Variants in RIF1 observed in about 807,000 individuals in gnomAD.
The protein encoded by RIF1 is telomere-associated protein RIF1.
RIF1 carries 45 observed loss-of-function variants against 247.1 expected under a neutral mutation model. That is an observed-to-expected ratio of 0.18 (90% CI 0.14 to 0.23). The LOEUF is 0.23. RIF1 is among the 10% of genes least tolerant of loss of function. RIF1 has a pLI of 1.00. For missense variants in RIF1, 2,967 were observed against 2,862.5 expected, an observed-to-expected ratio of 1.04 and a Z score of -0.83; for synonymous variants, 1,087 against 978.8, an observed-to-expected ratio of 1.11 and a Z score of -2.06.
chr2:151,468,303 C>G (rs929404671), intron 31 of RIF1, among the ~76,000 whole-genome samples, 157 bp downstream of exon 31: 3 of 152,078 alleles, frequency 2.0e-5, no homozygotes, highest in Admixed American at 2.0e-4. Context: ...GGAAGAGAAG[C>G]AGAAAGGTAA....
At chr2:151,460,241 T>C (rs1418841276) in intron 26 of RIF1, 122 bp downstream of exon 26, 1 of 737,152 alleles carries the variant, frequency 1.4e-6, no homozygotes, top group African/African-American at 1.9e-5. Context: ...TGCAGGGGAA[T>C]TGAGGGCATT....
At chr2:151,433,871 C>T (rs186291532) in intron 10 of RIF1, among the ~76,000 whole-genome samples, 1 of 152,118 alleles carries the variant, frequency 6.6e-6, no homozygotes, top group East Asian at 1.9e-4. Context: ...AGAAAACCAG[C>T]ATCAGTGAAA....
In RIF1 at chr2:151,465,781, A is replaced by G; in HGVS notation, c.6261A>G (p.Thr2087=). The G allele has an allele frequency of 1.9e-6, 3 of 1,613,260 alleles. No individual in the cohort carries two copies. The highest frequency in any genetic ancestry group is 2.5e-6 in the Non-Finnish European group (3 of 1,179,228). Residue 2087 remains threonine, a synonymous_variant, in exon 30 of 36, where the codon ACA becomes ACG. Coordinates refer to ENST00000444746, the MANE Select transcript of RIF1 (RefSeq NM_018151.5). The part of the protein sequence containing the change: ...EGIIDANKTE[T]NTEYSKSEEK... ...TCATTGACGCTAATAAAACTGAAAC[A>G]AATACTGAGTATAGTAAATCTGAAG...
Position 151,467,909 on chromosome 2 carries a change from C to G in RIF1, c.6601-91C>G, listed in dbSNP as rs1697203245. On this transcript the variant is annotated intron_variant, in intron 30 of 35. Coordinates refer to ENST00000444746, the MANE Select transcript of RIF1 (RefSeq NM_018151.5). ...GAAATAAATTTTCTAAACCCACATT[C>G]TATTTTTGGGTAACCTCATAATGAA... 5.5e-6 allele frequency: 7 copies of G among 1,272,664 alleles called. No homozygotes were observed. In the South Asian group the frequency reaches 7.5e-5, roughly 14 times the overall value. The allele number at this position is 1,272,664 out of a possible 1,614,324, so 78.8% of individuals were successfully genotyped here. A position where few individuals can be genotyped will look rare whatever the true frequency, so the allele number is the denominator to read the frequency against.
At chr2:151,493,110 CTTG>C (rs1193479668) in intron 9 of RIF1, 1 of 425,546 alleles carries the variant, frequency 2.3e-6, no homozygotes, top group Non-Finnish European at 4.2e-6. Context: ...TGGCAATTAA[CTTG>C]TTATGTTTAG....
At chr2:151,507,529 A>C (rs151190834) in intron 13 of RIF1, among the ~76,000 whole-genome samples, 3 of 152,206 alleles carry the variant, frequency 2.0e-5, no homozygotes, top group South Asian at 2.1e-4. Flanking sequence ...AGACACAGAG[A>C]TACTAGGAGA....
intron 11 of RIF1, chr2:151,501,486 G>A (rs1467422429): frequency 1.4e-6 from 2 of 1,464,148 alleles, no homozygotes; most frequent in Non-Finnish European, 1.8e-6. Flanking sequence ...TACAATATCT[G>A]TGTGCACAAA....
chr2:151,411,343 G>T lies in RIF1; in HGVS notation c.183+5G>T. 6.6e-7 allele frequency: 1 copy of T among 1,512,678 alleles called. No individual in the cohort carries two copies. The highest frequency in any genetic ancestry group is 9.0e-7 in the Non-Finnish European group (1 of 1,107,872). The allele number at this position is 1,512,678 out of a possible 1,614,324, so 93.7% of individuals were successfully genotyped here. A position where few individuals can be genotyped will look rare whatever the true frequency, so the allele number is the denominator to read the frequency against. ...CGGCTGTACAAAGTTTTAAAGGTAT[G>T]TATCTGTTTGTTAAACAGTTTTTCA... On this transcript the variant is annotated splice_donor_5th_base_variant and intron_variant, in intron 3 of 35. Coordinates refer to ENST00000444746, the MANE Select transcript of RIF1 (RefSeq NM_018151.5).
rs547791635 is a variant in RIF1 at position 151,478,346 on chromosome 2, C to G, written c.*3275C>G. 1 of 152,116 alleles carries G rather than the reference C, an allele frequency of 6.6e-6. No individual in the cohort carries two copies. The highest frequency in any genetic ancestry group is 1.5e-5 in the Non-Finnish European group (1 of 68,038). 9.4% of individuals were successfully genotyped at this position (152,116 alleles called of 1,614,324 possible). A position where few individuals can be genotyped will look rare whatever the true frequency, so the allele number is the denominator to read the frequency against. ...ACTAAAAATACAAAAACCAGCCAGG[C>G]ATGTTGGCGCATACTTGTAATCTCA... On this transcript the variant is annotated 3_prime_UTR_variant, in exon 36 of 36. Coordinates refer to ENST00000444746, the MANE Select transcript of RIF1 (RefSeq NM_018151.5).
the RIF1 span, chr2:151,519,797 T>C: frequency 7.1e-7 from 1 of 1,413,882 alleles, no homozygotes; most frequent in African/African-American, 1.4e-5. Context: ...ATCCAAATTA[T>C]TCCTGGACAT....
At chr2:151,466,216 T>C (rs1696846617) in intron 30 of RIF1, 96 bp downstream of exon 30, 6 of 678,528 alleles carry the variant, frequency 8.8e-6, no homozygotes, top group Non-Finnish European at 2.6e-6. Flanking sequence ...ATATTACAAT[T>C]ATATGGCCAC....
the RIF1 span, chr2:151,527,524 G>A: frequency 2.0e-4 from 324 of 1,613,390 alleles, 1 homozygote; most frequent in Middle Eastern, 1.7e-3. Context: ...GAGGAAGTCC[G>A]GTCGGTCAGG....
At chr2:151,473,099 C>T (rs1458828641) in intron 34 of RIF1, among the ~76,000 whole-genome samples, 2 of 151,928 alleles carry the variant, frequency 1.3e-5, no homozygotes, top group Admixed American at 6.6e-5. Flanking sequence ...TTTGCTATTA[C>T]GAATAATGCT....
chr2:151,452,774 A>G (rs894455829), intron 21 of RIF1, among the ~76,000 whole-genome samples: 3 of 152,232 alleles, frequency 2.0e-5, no homozygotes, highest in Non-Finnish European at 2.9e-5. Flanking sequence ...AAGCCACTGA[A>G]GTTTCATAGA....
At chr2:151,531,050 T>C in the RIF1 span, 6 of 1,613,666 alleles carry the variant, frequency 3.7e-6, no homozygotes, top group South Asian at 1.1e-5. Flanking sequence ...GTGTCGTGGA[T>C]TGTGGTGTAG....
chr2:151,511,876 C>T (rs970422792), downstream of RIF1, among the ~76,000 whole-genome samples: 2 of 152,112 alleles, frequency 1.3e-5, no homozygotes, highest in Non-Finnish European at 2.9e-5. Flanking sequence ...CAGATCTGCG[C>T]ACACATTTTT....
chr2:151,440,251 T>C (rs1342501620), intron 15 of RIF1, 124 bp downstream of exon 15: 1 of 644,986 alleles, frequency 1.6e-6, no homozygotes, highest in African/African-American at 1.9e-5. Flanking sequence ...ATCAGCAGTT[T>C]AGTCCTATTG....
At chr2:151,509,193 G>A (rs1390231273), downstream of RIF1, among the ~76,000 whole-genome samples, 1 of 152,128 alleles carries the variant, frequency 6.6e-6, no homozygotes, top group Non-Finnish European at 1.5e-5. Context: ...GAGAGATGTA[G>A]GCCTAGATTT....
intron 4 of RIF1, among the ~76,000 whole-genome samples, chr2:151,415,747 C>T (rs570255484): frequency 2.0e-5 from 3 of 150,544 alleles, no homozygotes; most frequent in South Asian, 4.2e-4. Flanking sequence ...TGTGGTGGCG[C>T]ATTCCTGTAA....
Sources: allele counts gnomAD v4.1 joint callset (sites outside exome capture counted in the v4.1 genomes callset), GRCh38; gene constraint gnomAD v4.1.1; transcripts MANE v1.5; gene names NCBI Gene and HGNC (gene_info 2026-07-23, HGNC 2026-07-21).